Variants in RHD observed in about 807,000 individuals in gnomAD.
RHD encodes the protein Rh blood group D antigen.
Under a neutral mutation model 45.5 loss-of-function variants are expected in RHD, and 16 were observed. The observed-to-expected ratio is 0.35, with a 90% CI of 0.24 to 0.53. RHD has a LOEUF of 0.53. RHD is among the 20% of genes least tolerant of loss of function. The pLI is 0.92. For synonymous variants in RHD, 131 were observed against 217.5 expected (o/e 0.60, Z 3.50); for missense variants, 306 against 532.0 (o/e 0.58, Z 4.18).
rs111872975 is a variant in RHD, at chr1:25,316,206, G to A, written c.1074-794G>A. 1.2e-4 allele frequency among the ~76,000 whole-genome samples: 16 copies of A among 130,690 alleles called. 1 individual carries two copies. Among genetic ancestry groups the A allele is most frequent in the South Asian group, 9.3e-4 (4 of 4,286 alleles). 85.7% of individuals were successfully genotyped at this position (130,690 alleles called of 152,430 possible). ...CCTGGGGTTGCCTTGAAGGAGAGAG[G>A]TCGTGGAAGTATGTTCAAGGGGTAG... On this transcript the variant is annotated intron_variant, in intron 7 of 9. Coordinates refer to ENST00000328664, the MANE Select transcript of RHD (RefSeq NM_016124.6).
At position 25,312,945 on chromosome 1, in the gene RHD, A is replaced by AAAAAAAAAAAC. The variant is rs1644238087; in HGVS notation, c.1074-4054_1074-4044dup. Among the ~76,000 whole-genome samples the AAAAAAAAAAAC allele has an allele frequency of 1.8e-5, 2 of 110,132 alleles. 1 individual carries two copies. The highest frequency in any genetic ancestry group is 4.3e-5 in the Non-Finnish European group (2 of 46,082). 72.3% of individuals were successfully genotyped at this position (110,132 alleles called of 152,430 possible). ...TAAAAAAAAAAAAAAAAAAAAAAAA[A>AAAAAAAAAAAC]AAAAAAAAAACTTTAGTGCTATTGG... On this transcript the variant is annotated intron_variant, in intron 7 of 9. Transcript: ENST00000328664.
rs1419037318 is a variant in RHD at position 25,316,501 on chromosome 1, T to C, written c.1074-499T>C. On this transcript the variant is annotated intron_variant, in intron 7 of 9. Transcript: ENST00000328664. The stretch of plus-strand genomic sequence containing the variant: ...CAGGTATGGTGGCGCATGCCTGTAG[T>C]CCCAGCTACTTGAGGCACAAGAATC... Among the ~76,000 whole-genome samples, 2 of 116,168 alleles carry C rather than the reference T, an allele frequency of 1.7e-5. 1 individual carries two copies. Among genetic ancestry groups the C allele is most frequent in the African/African-American group, 5.8e-5 (2 of 34,540 alleles). 76.2% of individuals were successfully genotyped at this position (116,168 alleles called of 152,430 possible). A position where few individuals can be genotyped will look rare whatever the true frequency, so the allele number is the denominator to read the frequency against.
intron 2 of RHD, among the ~76,000 whole-genome samples, chr1:25,285,494 T>C (rs1221656505): frequency 7.4e-6 from 1 of 135,022 alleles, no homozygotes; most frequent in African/African-American, 2.6e-5. Flanking sequence ...AGACAATAAA[T>C]AGCCATGCCT....
intron 6 of RHD, among the ~76,000 whole-genome samples, chr1:25,305,829 C>T (rs1309178561): frequency 7.7e-6 from 1 of 130,568 alleles, no homozygotes; most frequent in Non-Finnish European, 1.8e-5. Context: ...CTTGAACTCC[C>T]GACTTCAGGT....
chr1:25,277,417 G>A lies in RHD; in HGVS notation c.148+4722G>A, dbSNP rs192143504. Among the ~76,000 whole-genome samples the A allele has an allele frequency of 1.4e-3, 184 of 133,324 alleles. 20 individuals are homozygous for A. Among genetic ancestry groups the A allele is most frequent in the African/African-American group, 4.4e-3 (174 of 39,104 alleles). The allele number at this position is 133,324 out of a possible 152,430, so 87.5% of individuals were successfully genotyped here. A position where few individuals can be genotyped will look rare whatever the true frequency, so the allele number is the denominator to read the frequency against. On this transcript the variant is annotated intron_variant, in intron 1 of 9. Transcript: ENST00000328664. ...TCTCAGGCCCTAGGCCAGACCTACT[G>A]ATCAGAAGCTCTGGGCCTGGGGCCC...
rs566264146 is a variant in RHD, at chr1:25,291,384, G to A, written c.486+593G>A. On this transcript the variant is annotated intron_variant, in intron 3 of 9. Coordinates refer to ENST00000328664, the MANE Select transcript of RHD (RefSeq NM_016124.6). ...CTCAGGAGGCTGAGGCAAGAGAATC[G>A]CTTGAACCCGAGAGGTGGAGGTTGC... is the stretch of plus-strand genomic sequence containing the variant. Among the ~76,000 whole-genome samples, 60 of 132,096 alleles carry A rather than the reference G, an allele frequency of 4.5e-4. 14 individuals are homozygous for A. The highest frequency in any genetic ancestry group is 1.6e-3 in the Admixed American group (22 of 13,548). The allele number at this position is 132,096 out of a possible 152,430, so 86.7% of individuals were successfully genotyped here.
At chr1:25,312,015 C>A (rs1173760336) in intron 7 of RHD, among the ~76,000 whole-genome samples, 1 of 117,782 alleles carries the variant, frequency 8.5e-6, no homozygotes, top group Non-Finnish European at 2.0e-5. Context: ...AGTGCAATGC[C>A]AGCTTGGGAG....
At position 25,276,619 on chromosome 1, in the gene RHD, T is replaced by C. The variant is rs1199030137; in HGVS notation, c.148+3924T>C. 3.3e-4 allele frequency among the ~76,000 whole-genome samples: 39 copies of C among 118,742 alleles called. 3 individuals are homozygous for C. Among genetic ancestry groups the C allele is most frequent in the African/African-American group, 9.7e-4 (32 of 33,036 alleles). 77.9% of individuals were successfully genotyped at this position (118,742 alleles called of 152,430 possible). A position where few individuals can be genotyped will look rare whatever the true frequency, so the allele number is the denominator to read the frequency against. ...GTCCCAGCTACTCAGTAGGCTGAGG[T>C]GAGAGGCTTGCTTGAGCCTGGGAGC... On this transcript the variant is annotated intron_variant, in intron 1 of 9. Transcript: ENST00000328664.
At chr1:25,287,748 G>A (rs1298904241) in intron 2 of RHD, among the ~76,000 whole-genome samples, 2 of 135,304 alleles carry the variant, frequency 1.5e-5, no homozygotes, top group Non-Finnish European at 3.5e-5. Flanking sequence ...TAGAGACAGG[G>A]TCTTGCTCTG....
rs1644726094 is a variant in RHD at position 25,321,808 on chromosome 1, G to GAC, written c.1154-75_1154-74dup. 2 of 707,020 alleles carry GAC rather than the reference G, an allele frequency of 2.8e-6. 1 individual carries two copies. Among genetic ancestry groups the GAC allele is most frequent in the Admixed American group, 4.3e-5 (2 of 46,508 alleles). The allele number at this position is 707,020 out of a possible 1,614,324, so 43.8% of individuals were successfully genotyped here. A position where few individuals can be genotyped will look rare whatever the true frequency, so the allele number is the denominator to read the frequency against. ...ATTTCTGTTGAGATACTGTCGTTTT[G>GAC]ACACACAATATTTCGATTAATCTTG... is the stretch of plus-strand genomic sequence containing the variant. On this transcript the variant is annotated intron_variant, in intron 8 of 9. Coordinates refer to ENST00000328664, the MANE Select transcript of RHD (RefSeq NM_016124.6).
rs1240705981 is a variant in RHD at position 25,300,327 on chromosome 1, C to T, written c.487-619C>T. Among the ~76,000 whole-genome samples the T allele has an allele frequency of 5.4e-5, 7 of 129,498 alleles. 1 individual carries two copies. Among genetic ancestry groups the T allele is most frequent in the African/African-American group, 1.9e-4 (7 of 37,528 alleles). 85.0% of individuals were successfully genotyped at this position (129,498 alleles called of 152,430 possible). On this transcript the variant is annotated intron_variant, in intron 3 of 9. Coordinates refer to ENST00000328664, the MANE Select transcript of RHD (RefSeq NM_016124.6). ...AGGAGTTCAAGACCAGCCTGAGCAA[C>T]ATAGCAAGATTCCATCTTTACACAA...
intron 1 of RHD, among the ~76,000 whole-genome samples, chr1:25,278,989 G>A (rs533015061): frequency 7.7e-6 from 1 of 129,118 alleles, no homozygotes; most frequent in Non-Finnish European, 1.8e-5. Flanking sequence ...GAAGCTGGGT[G>A]TGACTTCAGA....
rs112907722 is a variant in RHD, at chr1:25,301,685, A to T, written c.800A>T (p.Lys267Met). 1.2e-4 allele frequency: 168 copies of T among 1,379,162 alleles called. 36 individuals carry two copies. The highest frequency in any genetic ancestry group is 6.3e-4 in the East Asian group (28 of 44,664). The allele number at this position is 1,379,162 out of a possible 1,614,324, so 85.4% of individuals were successfully genotyped here. A position where few individuals can be genotyped will look rare whatever the true frequency, so the allele number is the denominator to read the frequency against. The change falls in exon 5 of 10, where the codon AAG becomes ATG. Residue 267 changes from lysine (K) to methionine (M), a missense_variant and splice_region_variant. By Grantham distance (95) the Lys-to-Met change is moderately conservative. Transcript: ENST00000328664. ...GCTCACCCCCAAGGGAAGATCAGCA[A>T]GGTGAGCAGGGCGCTGCCCTTGGGC... Reference protein sequence around the residue: ...SLAHPQGKISKTYVHSAVLAG... With the variant: ...SLAHPQGKISMTYVHSAVLAG...
At position 25,301,579 on chromosome 1, in the gene RHD, A is replaced by G. The variant is rs1643390010; in HGVS notation, c.694A>G (p.Ile232Val). 4.3e-6 allele frequency: 6 copies of G among 1,379,692 alleles called. 1 individual carries two copies. Among genetic ancestry groups the G allele is most frequent in the Non-Finnish European group, 5.1e-6 (5 of 979,288 alleles). 85.5% of individuals were successfully genotyped at this position (1,379,692 alleles called of 1,614,324 possible). Residue 232 changes from isoleucine to valine, a missense_variant, in exon 5 of 10, where the codon ATC becomes GTC. By Grantham distance (29) the Ile-to-Val change is conservative. Coordinates refer to ENST00000328664, the MANE Select transcript of RHD (RefSeq NM_016124.6). ...SFNSALLRSP[I>V]ERKNAVFNTY... is the part of the protein sequence containing the mutation. ...CAACTCTGCTCTGCTGAGAAGTCCA[A>G]TCGAAAGGAAGAATGCCGTGTTCAA...
intron 2 of RHD, among the ~76,000 whole-genome samples, chr1:25,287,476 C>A (rs1482248847): frequency 3.0e-5 from 4 of 135,094 alleles, no homozygotes; most frequent in Non-Finnish European, 7.0e-5. Context: ...CTGACCGGTT[C>A]CCGTCAGGGC....
chr1:25,312,977 T>G (rs111628266), intron 7 of RHD, among the ~76,000 whole-genome samples: 1 of 101,980 alleles, frequency 9.8e-6, no homozygotes, highest in Non-Finnish European at 2.3e-5. Context: ...TTGGAATGAA[T>G]TTTGCATGTA....
Position 25,284,836 on chromosome 1 carries a change from G to C in RHD, c.335+77G>C. The C allele has an allele frequency of 3.2e-6, 4 of 1,260,170 alleles. 1 individual carries two copies. The Admixed American group carries it at 7.5e-5, about 24-fold the overall frequency. 78.1% of individuals were successfully genotyped at this position (1,260,170 alleles called of 1,614,324 possible). A position where few individuals can be genotyped will look rare whatever the true frequency, so the allele number is the denominator to read the frequency against. ...GAAAGGACAGGTTCCAGAAGATCTG[G>C]GATATTGCCCCCTCTCTGTCTAGCA... On this transcript the variant is annotated intron_variant, in intron 2 of 9. Coordinates refer to ENST00000328664, the MANE Select transcript of RHD (RefSeq NM_016124.6).
At chr1:25,297,900 A>C (rs1571654178) in intron 3 of RHD, among the ~76,000 whole-genome samples, 1 of 131,746 alleles carries the variant, frequency 7.6e-6, no homozygotes, top group East Asian at 1.9e-4. Context: ...TCAGGAGGGC[A>C]CTAGAACTGG....
In RHD at chr1:25,306,294, C is replaced by T. The variant is rs1231852788; in HGVS notation, c.940-302C>T. On this transcript the variant is annotated intron_variant, in intron 6 of 9. Coordinates refer to ENST00000328664, the MANE Select transcript of RHD (RefSeq NM_016124.6). ...AGGAATTATCAGCTGAAATTGTGAA[C>T]AGTGTCTACACTAGACCCTTGCTAC... is the stretch of plus-strand genomic sequence containing the variant. Among the ~76,000 whole-genome samples the T allele has an allele frequency of 6.2e-4, 82 of 131,890 alleles. 13 individuals are homozygous for T. The highest frequency in any genetic ancestry group is 1.9e-3 in the Admixed American group (26 of 13,678). The allele number at this position is 131,890 out of a possible 152,430, so 86.5% of individuals were successfully genotyped here. A position where few individuals can be genotyped will look rare whatever the true frequency, so the allele number is the denominator to read the frequency against.
Sources: gnomAD v4.1 joint callset for allele counts (sites outside exome capture counted in the v4.1 genomes callset) on GRCh38, gnomAD v4.1.1 for gene constraint, MANE v1.5 for transcripts, NCBI Gene and HGNC (gene_info 2026-07-23, HGNC 2026-07-21) for gene names.